The following ADAMTS6 variants were observed in gnomAD, a reference collection of about 807,000 sequenced individuals.
ADAMTS6 encodes the protein ADAM metallopeptidase with thrombospondin type 1 motif 6.
In ADAMTS6, 23 loss-of-function variants were observed where a neutral mutation model predicts 144.3. That is an observed-to-expected ratio of 0.16 (90% CI 0.11 to 0.23). The LOEUF (loss-of-function observed/expected upper bound fraction) is 0.23, where lower values mean the gene tolerates loss of function less well. Ranked by LOEUF, ADAMTS6 falls within the 10% of genes least tolerant of loss-of-function variation. The probability of loss-of-function intolerance (pLI) is 1.00; values close to 1 mark genes in which losing one functional copy is unlikely to be tolerated. For synonymous variants in ADAMTS6, 444 were observed against 457.5 expected (o/e 0.97, Z 0.38); for missense variants, 999 against 1,379.6 (o/e 0.72, Z 4.37).
chr5:65,323,913 C>G (rs187707880), intron 9 of ADAMTS6, among the ~76,000 whole-genome samples: 131 of 152,262 alleles, frequency 8.6e-4, no homozygotes, highest in African/African-American at 3.1e-3. Flanking sequence ...GCGTAAATGT[C>G]TTCTTTTGAG....
intron 7 of ADAMTS6, among the ~76,000 whole-genome samples, chr5:65,360,723 T>C (rs148709265): frequency 1.6e-4 from 25 of 152,206 alleles, no homozygotes; most frequent in African/African-American, 5.3e-4. Context: ...ACGGTGGGAA[T>C]TGACCATTAC....
intron 22 of ADAMTS6, among the ~76,000 whole-genome samples, chr5:65,184,732 A>G (rs1754565630): frequency 6.6e-6 from 1 of 152,176 alleles, no homozygotes; most frequent in African/African-American, 2.4e-5. Context: ...ATTATAGGAT[A>G]TGCGAAAGCT....
At chr5:65,392,469 T>C (rs1189982998) in intron 7 of ADAMTS6, among the ~76,000 whole-genome samples, 1 of 152,202 alleles carries the variant, frequency 6.6e-6, no homozygotes, top group Non-Finnish European at 1.5e-5. Flanking sequence ...CTCTTCCTCA[T>C]CTATTTATAG....
chr5:65,335,500 A>G (rs937901579), intron 7 of ADAMTS6, among the ~76,000 whole-genome samples: 1 of 152,190 alleles, frequency 6.6e-6, no homozygotes, highest in Non-Finnish European at 1.5e-5. Flanking sequence ...GCAGTCTTCA[A>G]GAAAACGTAA....
At chr5:65,304,555 C>G (rs941895555) in intron 9 of ADAMTS6, among the ~76,000 whole-genome samples, 1 of 152,086 alleles carries the variant, frequency 6.6e-6, no homozygotes, top group Non-Finnish European at 1.5e-5. Context: ...ACTTCATTCT[C>G]CCAAGTCGCT....
intron 21 of ADAMTS6, among the ~76,000 whole-genome samples, chr5:65,195,704 C>T (rs531488024): frequency 6.6e-6 from 1 of 152,284 alleles, no homozygotes; most frequent in South Asian, 2.1e-4. Flanking sequence ...AGAGAAGCTT[C>T]ATTATAAAGT....
At chr5:65,370,494 T>C (rs567437763) in intron 7 of ADAMTS6, among the ~76,000 whole-genome samples, 1 of 152,098 alleles carries the variant, frequency 6.6e-6, no homozygotes, top group East Asian at 1.9e-4. Flanking sequence ...TTCCCTTTCC[T>C]AGTCAAAGAA....
In ADAMTS6 at chr5:65,272,255, T is replaced by C. The variant is rs146934407; in HGVS notation, c.1620+1085A>G. On this transcript the variant is annotated intron_variant, in intron 12 of 24. Coordinates refer to ENST00000381055, the MANE Select transcript of ADAMTS6 (RefSeq NM_197941.4). Reference sequence around the variant, plus strand: ...TAATAGTTATTGCAAATTCAGTCTATAGAAATAAATTCTAGAATTTAAATT... The same window carrying C: ...TAATAGTTATTGCAAATTCAGTCTACAGAAATAAATTCTAGAATTTAAATT... Among the ~76,000 whole-genome samples, 1,341 of 152,368 alleles carry C rather than the reference T, an allele frequency of 8.8e-3. 22 individuals are homozygous for C. Among genetic ancestry groups the C allele is most frequent in the African/African-American group, 0.03 (1,251 of 41,588 alleles).
intron 22 of ADAMTS6, among the ~76,000 whole-genome samples, chr5:65,187,052 C>T (rs1754717140): frequency 6.6e-6 from 1 of 152,102 alleles, no homozygotes; most frequent in East Asian, 1.9e-4. Context: ...CAGGAAATAC[C>T]CAAAGCAAGT....
intron 9 of ADAMTS6, among the ~76,000 whole-genome samples, chr5:65,308,640 C>T (rs1744175918): frequency 6.6e-6 from 1 of 152,182 alleles, no homozygotes; most frequent in Admixed American, 6.5e-5. Context: ...TGGAGCATAA[C>T]TCTCCCTGGA....
Position 65,369,004 on chromosome 5 carries a change from T to TG in ADAMTS6, c.1074-34920dup, listed in dbSNP as rs537536910. On this transcript the variant is annotated intron_variant, in intron 7 of 24. Transcript: ENST00000381055. ...CCAGGAGGCAGAGTGGGCAGTGGGC[T>TG]GAGATCAAGGCACTGCACTCCAGCC... Among the ~76,000 whole-genome samples, 31 of 152,276 alleles carry TG rather than the reference T, an allele frequency of 2.0e-4. 2 individuals carry two copies. Among genetic ancestry groups the TG allele is most frequent in the African/African-American group, 7.5e-4 (31 of 41,558 alleles).
intron 7 of ADAMTS6, among the ~76,000 whole-genome samples, chr5:65,334,317 A>T (rs1217965093): frequency 6.6e-6 from 1 of 152,188 alleles, no homozygotes; most frequent in African/African-American, 2.4e-5. Flanking sequence ...TAAGAAAGAA[A>T]GGTTAAAGTG....
chr5:65,422,989 A>G (rs1756201264), intron 7 of ADAMTS6, among the ~76,000 whole-genome samples: 1 of 152,204 alleles, frequency 6.6e-6, no homozygotes. Flanking sequence ...ATTCAGCCAT[A>G]ACAAAGAACA....
intron 7 of ADAMTS6, among the ~76,000 whole-genome samples, chr5:65,439,742 G>A (rs1757724515): frequency 6.6e-6 from 1 of 152,116 alleles, no homozygotes; most frequent in Non-Finnish European, 1.5e-5. Flanking sequence ...TAATAGTACT[G>A]TATCAACACT....
intron 13 of ADAMTS6, among the ~76,000 whole-genome samples, chr5:65,262,130 T>C (rs1360148037): frequency 6.6e-6 from 1 of 152,088 alleles, no homozygotes; most frequent in Non-Finnish European, 1.5e-5. Flanking sequence ...GTAATGGGCA[T>C]GGAGCACTGG....
intron 22 of ADAMTS6, among the ~76,000 whole-genome samples, chr5:65,177,599 A>G (rs971880402): frequency 1.3e-5 from 2 of 152,236 alleles, no homozygotes; most frequent in East Asian, 1.9e-4. Flanking sequence ...GTGGACCACT[A>G]AAGAGCAAGG....
rs143938310 is a variant in ADAMTS6 at position 65,295,312 on chromosome 5, A to T, written c.1371-3842T>A. ...CTAATATTTCCTTTCATAAAATATT[A>T]GATATAAGTTGTCTTATAGCTAATT... On this transcript the variant is annotated intron_variant, in intron 10 of 24. Coordinates refer to ENST00000381055, the MANE Select transcript of ADAMTS6 (RefSeq NM_197941.4). Among the ~76,000 whole-genome samples, 83 of 152,244 alleles carry T rather than the reference A, an allele frequency of 5.5e-4. 1 individual carries two copies. In the East Asian group the frequency reaches 0.015, roughly 28 times the overall value.
rs1761190226 is a variant in ADAMTS6 at position 65,481,378 on chromosome 5, T to G, written c.-315A>C. On this transcript the variant is annotated 5_prime_UTR_variant, in exon 1 of 25. Coordinates refer to ENST00000381055, the MANE Select transcript of ADAMTS6 (RefSeq NM_197941.4). ...TTCAAATTCTGATAAAAAGTAAGTT[T>G]CAGACAATAGAGATTGCACTGGACG... is the stretch of plus-strand genomic sequence containing the variant. 6.6e-6 allele frequency: 1 copy of G among 152,098 alleles called. No homozygotes were observed. Among genetic ancestry groups the G allele is most frequent in the Non-Finnish European group, 1.5e-5 (1 of 68,012 alleles). The allele number at this position is 152,098 out of a possible 1,614,324, so 9.4% of individuals were successfully genotyped here. A position where few individuals can be genotyped will look rare whatever the true frequency, so the allele number is the denominator to read the frequency against.
Position 65,187,284 on chromosome 5 carries a change from T to G in ADAMTS6, c.2910+732A>C, listed in dbSNP as rs141598052. Among the ~76,000 whole-genome samples, 76 of 152,338 alleles carry G rather than the reference T, an allele frequency of 5.0e-4. No homozygotes were observed. The East Asian group carries it at 0.014, about 27-fold the overall frequency. ...TGAGGAGTCAAAAATTAACTACCTC[T>G]TACCTAATTTTTCATAAGATAATTT... On this transcript the variant is annotated intron_variant, in intron 22 of 24. Transcript: ENST00000381055.
Sources: gnomAD v4.1 joint callset for allele counts (sites outside exome capture counted in the v4.1 genomes callset) on GRCh38, gnomAD v4.1.1 for gene constraint, MANE v1.5 for transcripts, NCBI Gene and HGNC (gene_info 2026-07-23, HGNC 2026-07-21) for gene names.